MKRN2: variants seen among roughly 807,000 people sequenced by gnomAD.
MKRN2 encodes the protein makorin ring finger protein 2, also known as E3 ubiquitin-protein ligase makorin-2.
MKRN2 carries 32 observed loss-of-function variants against 45.4 expected under a neutral mutation model. The ratio of observed to expected loss-of-function variants is 0.70; its 90% CI spans 0.53 to 0.95. The LOEUF is 0.95. Ranked by LOEUF, MKRN2 falls within the 40% of genes least tolerant of loss-of-function variation. The pLI, the probability that MKRN2 is intolerant of heterozygous loss-of-function variation, is 0.00. For synonymous variants in MKRN2, 206 were observed against 192.4 expected (o/e 1.07, Z -0.59); for missense variants, 526 against 536.7 (o/e 0.98, Z 0.20).
intron 1 of MKRN2, among the ~76,000 whole-genome samples, chr3:12,563,955 C>T (rs1012604564): frequency 6.6e-6 from 1 of 151,208 alleles, no homozygotes; most frequent in African/African-American, 2.4e-5. Flanking sequence ...TTGAAGTCTT[C>T]TATTTTTTTT....
Position 12,583,597 on chromosome 3 carries a change from G to T in MKRN2, c.*1344G>T, listed in dbSNP as rs1219653338. The stretch of plus-strand genomic sequence containing the variant: ...TTACTTTAAAAGGAGGTAACAGCCA[G>T]CCATTACACCTAAATTTAATTTATT... On this transcript the variant is annotated 3_prime_UTR_variant, in exon 8 of 8. Transcript: ENST00000170447. The T allele has an allele frequency of 4.4e-6, 1 of 229,472 alleles. No individual in the cohort carries two copies. Among genetic ancestry groups the T allele is most frequent in the Non-Finnish European group, 8.6e-6 (1 of 115,858 alleles). The allele number at this position is 229,472 out of a possible 1,614,324, so 14.2% of individuals were successfully genotyped here.
intron 2 of MKRN2, 83 bp downstream of exon 2, chr3:12,569,086 A>G (rs2125303270): frequency 6.8e-7 from 1 of 1,469,368 alleles, no homozygotes; most frequent in Non-Finnish European, 9.2e-7. Flanking sequence ...TTTTAATGTA[A>G]AAGTAATATG....
intron 1 of MKRN2, among the ~76,000 whole-genome samples, chr3:12,560,261 A>G (rs1284757470): frequency 1.3e-5 from 2 of 152,186 alleles, no homozygotes; most frequent in African/African-American, 4.8e-5. Context: ...ACTGAGGCTC[A>G]GTGACTTAAA....
chr3:12,582,044 G>A (rs2058184168), intron 7 of MKRN2, 72 bp from the exon 8 acceptor site: 3 of 1,609,680 alleles, frequency 1.9e-6, no homozygotes, highest in Admixed American at 3.3e-5. Flanking sequence ...GTAGGCAAAA[G>A]AACGATCAAG....
intron 6 of MKRN2, among the ~76,000 whole-genome samples, chr3:12,579,718 G>C (rs957377084): frequency 2.3e-4 from 35 of 152,124 alleles, no homozygotes; most frequent in African/African-American, 8.5e-4. Flanking sequence ...GTGGCTCCTG[G>C]CATTGAAACA....
rs2057979677 is a variant in MKRN2 at position 12,557,092 on chromosome 3, C to CGAGGCGGCAGCGGCTGCGA, written c.-50_-32dup. 3 of 1,482,758 alleles carry CGAGGCGGCAGCGGCTGCGA rather than the reference C, an allele frequency of 2.0e-6. No individual in the cohort carries two copies. Among genetic ancestry groups the CGAGGCGGCAGCGGCTGCGA allele is most frequent in the Non-Finnish European group, 2.7e-6 (3 of 1,119,320 alleles). The allele number at this position is 1,482,758 out of a possible 1,614,324, so 91.9% of individuals were successfully genotyped here. ...GGATGGGCCGGGCCAGGGCCAAGGC[C>CGAGGCGGCAGCGGCTGCGA]GAGGCGGCAGCGGCTGCGAGAGGCG... is the stretch of plus-strand genomic sequence containing the variant. On this transcript the variant is annotated 5_prime_UTR_variant, in exon 1 of 8. Coordinates refer to ENST00000170447, the MANE Select transcript of MKRN2 (RefSeq NM_014160.5).
At chr3:12,573,757 G>A (rs970876535) in intron 4 of MKRN2, among the ~76,000 whole-genome samples, 1 of 152,024 alleles carries the variant, frequency 6.6e-6, no homozygotes, top group Non-Finnish European at 1.5e-5. Context: ...ACTGGGTGTG[G>A]TGGCGGGCGC....
intron 1 of MKRN2, among the ~76,000 whole-genome samples, chr3:12,563,066 G>C (rs1307965852): frequency 1.3e-5 from 2 of 152,130 alleles, no homozygotes; most frequent in Non-Finnish European, 2.9e-5. Flanking sequence ...TCTAATGGTA[G>C]GCCACAAGAG....
rs1399800721 is a variant in MKRN2 at position 12,570,149 on chromosome 3, C to T, written c.234C>T (p.Phe78=). The T allele has an allele frequency of 6.2e-7, 1 of 1,614,124 alleles. No homozygotes were observed. The highest frequency in any genetic ancestry group is 1.1e-5 in the South Asian group (1 of 91,082). The change falls in exon 3 of 8, where the codon TTC becomes TTT. Residue 78 remains phenylalanine, a synonymous_variant. Coordinates refer to ENST00000170447, the MANE Select transcript of MKRN2 (RefSeq NM_014160.5). ...TMAHSVPSPA[F]HSPHPPSEVT... ...CCCACAGTGTGCCCTCCCCAGCTTT[C>T]CACAGTCCTCACCCTCCTTCCGAGG...
chr3:12,563,071 C>A (rs890545881), intron 1 of MKRN2, among the ~76,000 whole-genome samples: 1 of 152,092 alleles, frequency 6.6e-6, no homozygotes, highest in Non-Finnish European at 1.5e-5. Flanking sequence ...TGGTAGGCCA[C>A]AAGAGGGTGT....
In MKRN2 at chr3:12,583,492, G is replaced by GCT. The variant is rs1407083426; in HGVS notation, c.*1242_*1243dup. Reference sequence around the variant, plus strand: ...AATTACAAATTCATTCCCAGCCTAGGCTCTGGGCACATTTCCTGTTCTTGA... The same window carrying GCT: ...AATTACAAATTCATTCCCAGCCTAGGCTCTCTGGGCACATTTCCTGTTCTTGA... On this transcript the variant is annotated 3_prime_UTR_variant, in exon 8 of 8. Coordinates refer to ENST00000170447, the MANE Select transcript of MKRN2 (RefSeq NM_014160.5). The GCT allele has an allele frequency of 4.8e-6, 1 of 206,872 alleles. No homozygotes were observed. The highest frequency in any genetic ancestry group is 9.8e-6 in the Non-Finnish European group (1 of 101,572). The allele number at this position is 206,872 out of a possible 1,614,324, so 12.8% of individuals were successfully genotyped here.
chr3:12,560,095 G>A (rs372628165), intron 1 of MKRN2, among the ~76,000 whole-genome samples: 120 of 152,272 alleles, frequency 7.9e-4, no homozygotes, highest in African/African-American at 2.5e-3. Flanking sequence ...ATGCCTAACC[G>A]GCAGGGCTGT....
At chr3:12,562,230 T>A (rs1366441229) in intron 1 of MKRN2, among the ~76,000 whole-genome samples, 3 of 152,116 alleles carry the variant, frequency 2.0e-5, no homozygotes. Context: ...GCAAGCAGGT[T>A]TTCAGCATGA....
chr3:12,580,265 G>C (rs2058168342), intron 6 of MKRN2, among the ~76,000 whole-genome samples: 1 of 152,200 alleles, frequency 6.6e-6, no homozygotes, highest in Non-Finnish European at 1.5e-5. Flanking sequence ...AGTGTGCTAG[G>C]ATGCTCTGGA....
At chr3:12,562,979 C>T (rs2058048547) in intron 1 of MKRN2, among the ~76,000 whole-genome samples, 1 of 151,996 alleles carries the variant, frequency 6.6e-6, no homozygotes, top group African/African-American at 2.4e-5. Context: ...TGAAACCATC[C>T]CCCATCCCCC....
At chr3:12,569,170 T>A (rs531382715) in intron 2 of MKRN2, among the ~76,000 whole-genome samples, 167 bp downstream of exon 2, 3 of 150,294 alleles carry the variant, frequency 2.0e-5, no homozygotes, top group Admixed American at 1.3e-4. Context: ...TTTCTTTTCT[T>A]TTTTTTTTTG....
intron 4 of MKRN2, among the ~76,000 whole-genome samples, chr3:12,572,592 C>T (rs2058106305): frequency 6.9e-6 from 1 of 144,950 alleles, no homozygotes; most frequent in African/African-American, 2.6e-5. Flanking sequence ...GTCATTTTGC[C>T]ATTTTTTTTT....
At chr3:12,567,713 A>AC (rs1427486367) in intron 1 of MKRN2, among the ~76,000 whole-genome samples, 4 of 151,264 alleles carry the variant, frequency 2.6e-5, no homozygotes, top group African/African-American at 9.7e-5. Flanking sequence ...CTGGTCTGGA[A>AC]CCCCCGACCT....
At chr3:12,576,466 T>G (rs181794216) in intron 5 of MKRN2, among the ~76,000 whole-genome samples, 165 bp from the exon 6 acceptor site, 1 of 152,224 alleles carries the variant, frequency 6.6e-6, no homozygotes, top group Non-Finnish European at 1.5e-5. Context: ...AACCCTATTT[T>G]GTTAATAGTA....
Sources: allele counts gnomAD v4.1 joint callset (sites outside exome capture counted in the v4.1 genomes callset), GRCh38; gene constraint gnomAD v4.1.1; transcripts MANE v1.5; gene names NCBI Gene and HGNC (gene_info 2026-07-23, HGNC 2026-07-21).